TUSC3: variants seen among roughly 807,000 people sequenced by gnomAD.
TUSC3 encodes the protein tumor suppressor candidate 3, also known as dolichyl-diphosphooligosaccharide--protein glycosyltransferase subunit TUSC3.
Under a neutral mutation model 44.8 loss-of-function variants are expected in TUSC3, and 45 were observed. The observed-to-expected ratio is 1.00, with a 90% confidence interval of 0.79 to 1.29. The LOEUF (loss-of-function observed/expected upper bound fraction) is 1.29. TUSC3 is among the 50% of genes most tolerant of loss of function. The probability of loss-of-function intolerance (pLI) is 0.00; values close to 1 mark genes in which losing one functional copy is unlikely to be tolerated. For missense variants in TUSC3, 519 were observed against 437.9 expected (o/e 1.19, Z -1.65); for synonymous variants, 212 against 152.9 (o/e 1.39, Z -2.85).
At chr8:15,845,628 G>A in the TUSC3 span, among the ~76,000 whole-genome samples, 1 of 152,098 alleles carries the variant, frequency 6.6e-6, no homozygotes, top group Non-Finnish European at 1.5e-5. Flanking sequence ...TGAAACAACT[G>A]ACCCTTTTGT....
the TUSC3 span, among the ~76,000 whole-genome samples, chr8:15,837,364 G>C: frequency 6.6e-6 from 1 of 151,958 alleles, no homozygotes; most frequent in African/African-American, 2.4e-5. Flanking sequence ...AAATGTATTG[G>C]ATTATGTATT....
At chr8:15,514,112 C>A (rs1459713383) in intron 2 of TUSC3, among the ~76,000 whole-genome samples, 1 of 152,152 alleles carries the variant, frequency 6.6e-6, no homozygotes, top group Non-Finnish European at 1.5e-5. Context: ...GAGGTGCTTT[C>A]TGTTAGTGTA....
chr8:15,738,592 C>T (rs182425412), intron 7 of TUSC3, among the ~76,000 whole-genome samples: 2 of 152,134 alleles, frequency 1.3e-5, no homozygotes, highest in East Asian at 3.9e-4. Flanking sequence ...TGACTCTTTC[C>T]TGAAAAAGTA....
intron 6 of TUSC3, among the ~76,000 whole-genome samples, chr8:15,698,027 A>G (rs1483732935): frequency 1.3e-5 from 2 of 152,194 alleles, no homozygotes; most frequent in Admixed American, 6.5e-5. Context: ...CAAAGTTAAT[A>G]TACACCATAC....
chr8:15,790,075 G>A, the TUSC3 span, among the ~76,000 whole-genome samples: 1 of 151,808 alleles, frequency 6.6e-6, no homozygotes, highest in African/African-American at 2.4e-5. Flanking sequence ...TTAATTATTT[G>A]CAAGTTAAGG....
the TUSC3 span, among the ~76,000 whole-genome samples, chr8:15,848,534 G>C: frequency 2.6e-5 from 4 of 152,250 alleles, no homozygotes; most frequent in South Asian, 6.2e-4. Context: ...CAGCTTTCTT[G>C]AGCTGGGGAA....
chr8:15,438,139 G>T, intron 1 of TUSC3, among the ~76,000 whole-genome samples: 1 of 152,128 alleles, frequency 6.6e-6, no homozygotes, highest in East Asian at 1.9e-4. Context: ...TCGTTACCCA[G>T]GCTGGAGTGC....
chr8:15,495,499 C>T (rs1800869137), intron 2 of TUSC3, among the ~76,000 whole-genome samples: 3 of 152,154 alleles, frequency 2.0e-5, no homozygotes, highest in Admixed American at 1.3e-4. Context: ...TACATATGTC[C>T]TACCTCTAGC....
At chr8:15,733,749 A>G (rs1810819523) in intron 7 of TUSC3, 1 of 153,174 alleles carries the variant, frequency 6.5e-6, no homozygotes, top group South Asian at 2.0e-4. Flanking sequence ...TGGACTCATT[A>G]TCAGTGAAAC....
chr8:15,637,762 C>T (rs892149564), intron 2 of TUSC3, among the ~76,000 whole-genome samples: 1 of 152,068 alleles, frequency 6.6e-6, no homozygotes. Flanking sequence ...TTCAAGTACC[C>T]TTTCTGCTCA....
At chr8:15,584,050 A>G (rs369724027) in intron 1 of TUSC3, among the ~76,000 whole-genome samples, 1 of 152,354 alleles carries the variant, frequency 6.6e-6, no homozygotes, top group South Asian at 2.1e-4. Context: ...ACTTAAAGGC[A>G]GTGTAATCAA....
intron 2 of TUSC3, among the ~76,000 whole-genome samples, chr8:15,501,143 T>G (rs1236500349): frequency 6.6e-6 from 1 of 152,176 alleles, no homozygotes; most frequent in Non-Finnish European, 1.5e-5. Context: ...ATTTCTACAC[T>G]CCTTCATCCT....
At chr8:15,649,863 G>A (rs867751579) in intron 2 of TUSC3, among the ~76,000 whole-genome samples, 1 of 152,008 alleles carries the variant, frequency 6.6e-6, no homozygotes, top group South Asian at 2.1e-4. Context: ...GGGGAGAGGG[G>A]GGAGATAAAC....
chr8:15,502,153 G>A (rs932422866), intron 2 of TUSC3, among the ~76,000 whole-genome samples: 1 of 152,190 alleles, frequency 6.6e-6, no homozygotes, highest in African/African-American at 2.4e-5. Context: ...TGTAAACACT[G>A]TTCACGTGTA....
chr8:15,830,178 A>G, the TUSC3 span, among the ~76,000 whole-genome samples: 1 of 151,878 alleles, frequency 6.6e-6, no homozygotes, highest in Non-Finnish European at 1.5e-5. Flanking sequence ...AGTTCTTCGC[A>G]GATTCTGGAT....
chr8:15,836,042 G>A, the TUSC3 span, among the ~76,000 whole-genome samples: 2 of 151,778 alleles, frequency 1.3e-5, no homozygotes, highest in South Asian at 4.2e-4. Context: ...TTTCTGACTT[G>A]AACTTAACTT....
chr8:15,638,012 C>T (rs534895556), intron 2 of TUSC3, among the ~76,000 whole-genome samples: 1 of 152,154 alleles, frequency 6.6e-6, no homozygotes, highest in Non-Finnish European at 1.5e-5. Flanking sequence ...GTGGTGCATT[C>T]TTAAGACTGC....
intron 1 of TUSC3, among the ~76,000 whole-genome samples, chr8:15,438,092 T>G (rs1296070926): frequency 6.6e-6 from 1 of 152,114 alleles, no homozygotes; most frequent in Non-Finnish European, 1.5e-5. Flanking sequence ...TTGTTGTCGA[T>G]GTGTGTTTTG....
chr8:15,639,099 T>C (rs1359039744), intron 2 of TUSC3, among the ~76,000 whole-genome samples: 1 of 150,684 alleles, frequency 6.6e-6, no homozygotes, highest in East Asian at 2.0e-4. Context: ...AGGGCTTCAG[T>C]GATGATGATC....
Sources: gnomAD v4.1 joint callset for allele counts (sites outside exome capture counted in the v4.1 genomes callset) on GRCh38, gnomAD v4.1.1 for gene constraint, MANE v1.5 for transcripts, NCBI Gene and HGNC (gene_info 2026-07-23, HGNC 2026-07-21) for gene names.